Variants in PHEX observed in about 807,000 individuals in gnomAD.
PHEX encodes the protein phosphate regulating endopeptidase X-linked.
In PHEX, 16 loss-of-function variants were observed where a neutral mutation model predicts 68.0. The ratio of observed to expected loss-of-function variants is 0.24; its 90% CI spans 0.16 to 0.36. The LOEUF (loss-of-function observed/expected upper bound fraction) is 0.36. Ranked by LOEUF, PHEX falls within the 10% of genes least tolerant of loss-of-function variation. The pLI is 1.00. For synonymous variants in PHEX, 208 were observed against 205.1 expected (o/e 1.01, Z -0.12); for missense variants, 480 against 575.5 (o/e 0.83, Z 1.70).
At chrX:22,119,180 CCCTGG>C (rs1250172133) in intron 11 of PHEX, among the ~76,000 whole-genome samples, 5 of 111,672 alleles carry the variant, frequency 4.5e-5, no homozygotes, top group African/African-American at 1.3e-4. Context: ...GAGCCACTAC[CCCTGG>C]CCTCCATTGA....
At chrX:22,137,900 C>T (rs750604185) in intron 12 of PHEX, among the ~76,000 whole-genome samples, 39 of 111,704 alleles carry the variant, frequency 3.5e-4, no homozygotes, top group East Asian at 5.7e-4. Flanking sequence ...GCCCAAAGGA[C>T]GGGGAATGAC....
At chrX:22,046,082 C>T (rs1169420594) in intron 2 of PHEX, among the ~76,000 whole-genome samples, 1 of 111,414 alleles carries the variant, frequency 9.0e-6, no homozygotes, top group Admixed American at 9.6e-5. Flanking sequence ...TGCCTAGGCT[C>T]ATTTGTGCCA....
chrX:22,094,816 G>A (rs1036922420), intron 7 of PHEX, among the ~76,000 whole-genome samples: 5 of 112,020 alleles, frequency 4.5e-5, no homozygotes, highest in Middle Eastern at 8.4e-3. Context: ...GCAAAATAAT[G>A]AGAACTCCTA....
chrX:22,233,992 G>T (rs1442560758), intron 20 of PHEX, among the ~76,000 whole-genome samples: 6 of 108,859 alleles, frequency 5.5e-5, no homozygotes, highest in Non-Finnish European at 1.2e-4. Context: ...TTCGGATGGG[G>T]TATTTTAGTA....
At chrX:22,093,087 AC>A (rs1369718240) in intron 6 of PHEX, among the ~76,000 whole-genome samples, 1 of 111,964 alleles carries the variant, frequency 8.9e-6, no homozygotes, top group Non-Finnish European at 1.9e-5. Flanking sequence ...TACTGATTCA[AC>A]AAAGATTTAT....
In PHEX at chrX:22,052,877, AATCTC is replaced by A. The variant is rs756160208; in HGVS notation, c.349+5668_349+5672del. Among the ~76,000 whole-genome samples the A allele has an allele frequency of 1.1e-4, 12 of 111,331 alleles. No homozygotes were observed. In the Admixed American group the frequency reaches 1.2e-3, roughly 11 times the overall value. Reference sequence around the variant, plus strand: ...CACTACTTGGTGACAGGTACACTAAAATCTCAGACCTCACCATTATCCAGTTAACC... The same window carrying A: ...CACTACTTGGTGACAGGTACACTAAAAGACCTCACCATTATCCAGTTAACC... On this transcript the variant is annotated intron_variant, in intron 3 of 21. Transcript: ENST00000379374.
chrX:22,140,306 T>C (rs1263568006), intron 12 of PHEX, among the ~76,000 whole-genome samples: 2 of 110,794 alleles, frequency 1.8e-5, no homozygotes, highest in East Asian at 5.7e-4. Context: ...TACTCTACTG[T>C]TGCTGTCTCT....
At chrX:22,157,914 C>T (rs1932999504) in intron 12 of PHEX, among the ~76,000 whole-genome samples, 1 of 112,062 alleles carries the variant, frequency 8.9e-6, no homozygotes, top group Non-Finnish European at 1.9e-5. Context: ...TATCTATCTT[C>T]TACCCCTGTA....
chrX:22,099,381 T>C, intron 9 of PHEX: 1 of 403,480 alleles, frequency 2.5e-6, no homozygotes. Flanking sequence ...TCTTTCTCCA[T>C]GCTGTTCTCT....
intron 5 of PHEX, among the ~76,000 whole-genome samples, chrX:22,084,247 GAGT>G (rs1348860430): frequency 3.6e-5 from 4 of 111,714 alleles, no homozygotes; most frequent in African/African-American, 1.3e-4. Flanking sequence ...TCAGCCTCCT[GAGT>G]AGCTGGTACT....
chrX:22,097,682 T>TA, intron 8 of PHEX: 2 of 655,776 alleles, frequency 3.0e-6, no homozygotes, highest in Non-Finnish European at 3.6e-6. Context: ...AAAAGACTTT[T>TA]AGAGTAGCCA....
chrX:22,153,977 C>T (rs918762963), intron 12 of PHEX, among the ~76,000 whole-genome samples: 4 of 111,336 alleles, frequency 3.6e-5, no homozygotes, highest in Admixed American at 1.9e-4. Context: ...ATTTATATCA[C>T]GACTTACAGC....
Position 22,231,881 on chromosome X carries a change from T to A in PHEX, c.2070+4270T>A, listed in dbSNP as rs909633400. On this transcript the variant is annotated intron_variant, in intron 20 of 21. Coordinates refer to ENST00000379374, the MANE Select transcript of PHEX (RefSeq NM_000444.6). ...ATGTTAGGGTGTCAATTTTAGATCTTTCCTGCTTTCTCTTGTGTGCATTTA... is the reference window on the plus strand; with the variant it reads ...ATGTTAGGGTGTCAATTTTAGATCTATCCTGCTTTCTCTTGTGTGCATTTA... 3.6e-5 allele frequency among the ~76,000 whole-genome samples: 4 copies of A among 112,413 alleles called. No homozygotes were observed. The Admixed American group carries it at 3.8e-4, about 11-fold the overall frequency.
At chrX:22,104,550 T>C (rs1376389845) in intron 9 of PHEX, among the ~76,000 whole-genome samples, 2 of 111,960 alleles carry the variant, frequency 1.8e-5, no homozygotes, top group Non-Finnish European at 3.8e-5. Flanking sequence ...AATTCAACTA[T>C]GGGGGATTTT....
chrX:22,205,679 TATTAA>T (rs1298715813), intron 15 of PHEX, among the ~76,000 whole-genome samples: 1 of 92,734 alleles, frequency 1.1e-5, no homozygotes, highest in Non-Finnish European at 2.2e-5. Flanking sequence ...ACTTTATTAA[TATTAA>T]ATTATTATTA....
chrX:22,241,476 A>G (rs971379169), intron 20 of PHEX, among the ~76,000 whole-genome samples: 2 of 111,432 alleles, frequency 1.8e-5, no homozygotes, highest in Non-Finnish European at 3.8e-5. Flanking sequence ...CAAAACATCA[A>G]TGGATCCAGG....
rs771434063 is a variant in PHEX, at chrX:22,062,949, C to T, written c.350-13439C>T. ...CTAATTTTTGTATTTTTAGTAAAGA[C>T]GGGGTTTCACCATGTTGGACAGGCT... On this transcript the variant is annotated intron_variant, in intron 3 of 21. Transcript: ENST00000379374. Among the ~76,000 whole-genome samples, 5 of 110,756 alleles carry T rather than the reference C, an allele frequency of 4.5e-5. No homozygotes were observed. In the South Asian group the frequency reaches 1.6e-3, roughly 34 times the overall value.
intron 5 of PHEX, among the ~76,000 whole-genome samples, chrX:22,081,864 G>A (rs1286611182): frequency 8.9e-6 from 1 of 111,822 alleles, no homozygotes; most frequent in Non-Finnish European, 1.9e-5. Context: ...ATAGTATGAG[G>A]ATTTAAGGGA....
Position 22,090,407 on chromosome X carries a change from CTT to C in PHEX, c.664-20_664-19del. ...AAGAATTTACAGTGCTAGCAGAATG[CTT>C]TCTGTTTTTGTTTTTACAGCTGGAC... On this transcript the variant is annotated intron_variant, in intron 5 of 21. Transcript: ENST00000379374. 2 of 1,177,079 alleles carry C rather than the reference CTT, an allele frequency of 1.7e-6. No individual in the cohort carries two copies. Among genetic ancestry groups the C allele is most frequent in the Admixed American group, 2.2e-5 (1 of 45,964 alleles).
Sources: allele counts gnomAD v4.1 joint callset (sites outside exome capture counted in the v4.1 genomes callset), GRCh38; gene constraint gnomAD v4.1.1; transcripts MANE v1.5; gene names NCBI Gene and HGNC (gene_info 2026-07-23, HGNC 2026-07-21).